C1QTNF7: variants seen among roughly 807,000 people sequenced by gnomAD.
C1QTNF7 encodes the protein C1q and TNF related 7.
Under a neutral mutation model 19.6 loss-of-function variants are expected in C1QTNF7, and 15 were observed. That is an observed-to-expected ratio of 0.76 (90% CI 0.51 to 1.18). The LOEUF is 1.18. C1QTNF7 is among the 50% of genes most tolerant of loss of function. The probability of loss-of-function intolerance (pLI) is 0.00; values close to 1 mark genes in which losing one functional copy is unlikely to be tolerated. For synonymous variants in C1QTNF7, 142 were observed against 137.5 expected, an observed-to-expected ratio of 1.03 and a Z score of -0.23; for missense variants, 324 against 359.7, an observed-to-expected ratio of 0.90 and a Z score of 0.80.
chr4:15,392,411 G>C (rs1718593190), intron 1 of C1QTNF7, among the ~76,000 whole-genome samples: 1 of 152,160 alleles, frequency 6.6e-6, no homozygotes, highest in African/African-American at 2.4e-5. Context: ...GCCAGTGTGT[G>C]AACCAAACCT....
chr4:15,390,031 C>G (rs1718497765), intron 1 of C1QTNF7, among the ~76,000 whole-genome samples: 1 of 152,160 alleles, frequency 6.6e-6, no homozygotes, highest in Non-Finnish European at 1.5e-5. Context: ...CCTACACAAC[C>G]ATTATGCCTA....
chr4:15,379,616 G>C (rs921361907), intron 1 of C1QTNF7, among the ~76,000 whole-genome samples: 3 of 152,064 alleles, frequency 2.0e-5, no homozygotes, highest in African/African-American at 7.2e-5. Context: ...CTCTGCTTTA[G>C]AAAAATAAGG....
intron 1 of C1QTNF7, among the ~76,000 whole-genome samples, chr4:15,399,432 A>C (rs1321932576): frequency 1.3e-5 from 2 of 152,160 alleles, no homozygotes; most frequent in African/African-American, 4.8e-5. Context: ...CATGCACCCC[A>C]AGTCATACTG....
intron 1 of C1QTNF7, among the ~76,000 whole-genome samples, chr4:15,428,495 C>A (rs1256721165): frequency 6.7e-6 from 1 of 149,762 alleles, no homozygotes; most frequent in Non-Finnish European, 1.5e-5. Flanking sequence ...CTTCATTGAG[C>A]CTCTACTGTA....
At chr4:15,344,272 G>T (rs1716641973) in intron 1 of C1QTNF7, among the ~76,000 whole-genome samples, 1 of 152,202 alleles carries the variant, frequency 6.6e-6, no homozygotes, top group South Asian at 2.1e-4. Flanking sequence ...AATCATTTAG[G>T]TTTGTAAACA....
intron 1 of C1QTNF7, among the ~76,000 whole-genome samples, chr4:15,363,904 A>G (rs1254835226): frequency 6.6e-6 from 1 of 152,234 alleles, no homozygotes; most frequent in Non-Finnish European, 1.5e-5. Flanking sequence ...TTGCTATGTG[A>G]GTTTTCCTCA....
intron 1 of C1QTNF7, among the ~76,000 whole-genome samples, chr4:15,341,487 G>A (rs1348082722): frequency 6.6e-6 from 1 of 152,176 alleles, no homozygotes; most frequent in Non-Finnish European, 1.5e-5. Context: ...GGTTAAGAAG[G>A]ACACTTTGCT....
intron 1 of C1QTNF7, among the ~76,000 whole-genome samples, chr4:15,345,243 C>G (rs1249945312): frequency 6.6e-6 from 1 of 152,220 alleles, no homozygotes; most frequent in Non-Finnish European, 1.5e-5. Flanking sequence ...CATTTCTTCA[C>G]ACCAATTATG....
chr4:15,384,854 G>C (rs1300296993), intron 1 of C1QTNF7, among the ~76,000 whole-genome samples: 1 of 152,148 alleles, frequency 6.6e-6, no homozygotes, highest in Non-Finnish European at 1.5e-5. Flanking sequence ...GGCCTCCGGG[G>C]AGTGGGGTTG....
chr4:15,390,970 G>A (rs1020620703), intron 1 of C1QTNF7, among the ~76,000 whole-genome samples: 2 of 152,012 alleles, frequency 1.3e-5, no homozygotes, highest in Admixed American at 6.5e-5. Flanking sequence ...GGACTCCATC[G>A]GTTAGCACTC....
rs1719315347 is a variant in C1QTNF7 at position 15,409,249 on chromosome 4, A to G, written c.14-26487A>G. Among the ~76,000 whole-genome samples the G allele has an allele frequency of 2.0e-5, 3 of 152,194 alleles. No individual in the cohort carries two copies. In the South Asian group the frequency reaches 6.2e-4, roughly 31 times the overall value. On this transcript the variant is annotated intron_variant, in intron 1 of 2. Coordinates refer to the C1QTNF7 transcript ENST00000295297. The stretch of plus-strand genomic sequence containing the variant: ...TTGACATAAAAAGGGTGAAATTGCT[A>G]TTATTTTTATTCAACTGGACATCAC...
At chr4:15,402,652 A>G (rs1472636063) in intron 1 of C1QTNF7, among the ~76,000 whole-genome samples, 8 of 152,362 alleles carry the variant, frequency 5.3e-5, no homozygotes, top group Non-Finnish European at 1.2e-4. Context: ...TAAATATTGT[A>G]TAAAGTTAAA....
chr4:15,348,247 T>C (rs1318487061), intron 1 of C1QTNF7, among the ~76,000 whole-genome samples: 1 of 152,132 alleles, frequency 6.6e-6, no homozygotes, highest in East Asian at 1.9e-4. Flanking sequence ...TGGAGTTGCA[T>C]GTGGGTGTAA....
intron 1 of C1QTNF7, among the ~76,000 whole-genome samples, chr4:15,386,812 G>A (rs1292604372): frequency 6.6e-6 from 1 of 152,136 alleles, no homozygotes; most frequent in African/African-American, 2.4e-5. Flanking sequence ...ACAGAGATAG[G>A]GTGGCCAGAG....
chr4:15,390,243 G>A (rs1051559140), intron 1 of C1QTNF7, among the ~76,000 whole-genome samples: 8 of 152,144 alleles, frequency 5.3e-5, no homozygotes, highest in Non-Finnish European at 1.0e-4. Flanking sequence ...CTGATGCTTC[G>A]GTCCACAGGA....
At chr4:15,356,294 G>T (rs752261856) in intron 1 of C1QTNF7, among the ~76,000 whole-genome samples, 1 of 151,818 alleles carries the variant, frequency 6.6e-6, no homozygotes, top group South Asian at 2.1e-4. Context: ...TATTCCCCTC[G>T]TGTGTCCCTG....
chr4:15,361,148 C>T (rs1717329433), intron 1 of C1QTNF7: 1 of 152,154 alleles, frequency 6.6e-6, no homozygotes, highest in Admixed American at 6.5e-5. Context: ...GGACACCAGA[C>T]TTCACAAAGC....
Position 15,445,139 on chromosome 4 carries a change from G to A in C1QTNF7, c.*2340G>A, listed in dbSNP as rs1712944538. 2 of 152,162 alleles carry A rather than the reference G, an allele frequency of 1.3e-5. No individual in the cohort carries two copies. Among genetic ancestry groups the A allele is most frequent in the South Asian group, 4.1e-4 (2 of 4,822 alleles). 9.4% of individuals were successfully genotyped at this position (152,162 alleles called of 1,614,324 possible). On this transcript the variant is annotated 3_prime_UTR_variant, in exon 3 of 3. Coordinates refer to ENST00000444304, the MANE Select transcript of C1QTNF7 (RefSeq NM_031911.5). ...ACTTATTGCTCTCCTTCTGAGTCAGGACATGTGTACAGGAGACCAAGAACA... is the reference window on the plus strand; with the variant it reads ...ACTTATTGCTCTCCTTCTGAGTCAGAACATGTGTACAGGAGACCAAGAACA...
At chr4:15,379,687 G>A (rs568006902) in intron 1 of C1QTNF7, among the ~76,000 whole-genome samples, 42 of 152,248 alleles carry the variant, frequency 2.8e-4, no homozygotes, top group Non-Finnish European at 4.4e-4. Flanking sequence ...AATTTACTAC[G>A]AGTTTTTAAA....
Sources: allele counts gnomAD v4.1 joint callset (sites outside exome capture counted in the v4.1 genomes callset), GRCh38; gene constraint gnomAD v4.1.1; transcripts MANE v1.5; gene names NCBI Gene and HGNC (gene_info 2026-07-23, HGNC 2026-07-21).